Variants in NAALADL2 observed in about 807,000 individuals in gnomAD.
NAALADL2 encodes N-acetylated alpha-linked acidic dipeptidase like 2, also known as inactive N-acetylated-alpha-linked acidic dipeptidase-like protein 2.
In NAALADL2, 76 loss-of-function variants were observed where a neutral mutation model predicts 87.2. The ratio of observed to expected loss-of-function variants is 0.87; its 90% CI spans 0.72 to 1.05. The LOEUF is 1.05. Ranked by LOEUF, NAALADL2 falls within the 50% of genes least tolerant of loss-of-function variation. NAALADL2 has a pLI of 0.00. For missense variants in NAALADL2, 1,089 were observed against 945.8 expected, an observed-to-expected ratio of 1.15 and a Z score of -1.99; for synonymous variants, 354 against 331.0, an observed-to-expected ratio of 1.07 and a Z score of -0.75.
At chr3:175,016,276 T>TATATAA (rs1480248110) in intron 1 of NAALADL2, among the ~76,000 whole-genome samples, 2 of 147,968 alleles carry the variant, frequency 1.4e-5, no homozygotes, top group African/African-American at 4.9e-5. Context: ...TATATATATA[T>TATATAA]AAAAAACAAT....
chr3:175,096,080 C>G (rs7617119), intron 1 of NAALADL2, among the ~76,000 whole-genome samples: 2,095 of 152,144 alleles, frequency 0.014, 48 homozygotes, highest in African/African-American at 0.048. Flanking sequence ...TTGATGCCAT[C>G]CCAGACTTTT....
chr3:174,503,039 AAC>A (rs1003240155), intron 1 of NAALADL2, among the ~76,000 whole-genome samples: 9 of 150,710 alleles, frequency 6.0e-5, no homozygotes, highest in African/African-American at 2.2e-4. Context: ...AAAAAAAAAA[AAC>A]CTCTTATCTT....
In NAALADL2 at chr3:175,234,171, A is replaced by C. The variant is rs775935674; in HGVS notation, c.786A>C (p.Ser262=). 1.2e-5 allele frequency: 20 copies of C among 1,613,696 alleles called. No individual in the cohort carries two copies. The highest frequency in any genetic ancestry group is 1.4e-5 in the Non-Finnish European group (16 of 1,179,800). The change falls in exon 3 of 14, where the codon TCA becomes TCC. Residue 262 remains serine (S), a synonymous_variant. Transcript: ENST00000454872. Reference sequence around the variant, plus strand: ...ATAGCAGCCAAGACCTGCTCTATTCATATGCAGCCTATTCTGCCAAAGGAA... The same window carrying C: ...ATAGCAGCCAAGACCTGCTCTATTCCTATGCAGCCTATTCTGCCAAAGGAA... ...RKDSSQDLLY[S]YAAYSAKGTL... is the part of the protein sequence containing the mutation.
At chr3:175,056,117 A>T (rs905950440) in intron 1 of NAALADL2, among the ~76,000 whole-genome samples, 4 of 152,088 alleles carry the variant, frequency 2.6e-5, no homozygotes, top group Non-Finnish European at 5.9e-5. Flanking sequence ...CTTTTTGCCC[A>T]GTGTCCTCCG....
intron 1 of NAALADL2, among the ~76,000 whole-genome samples, chr3:174,451,753 A>C (rs768207994): frequency 3.3e-5 from 5 of 152,098 alleles, no homozygotes; most frequent in Non-Finnish European, 7.3e-5. Context: ...CATTTTGACT[A>C]CATAGCTCTT....
chr3:175,044,867 T>G (rs1754485793), intron 1 of NAALADL2, among the ~76,000 whole-genome samples: 1 of 152,070 alleles, frequency 6.6e-6, no homozygotes, highest in Non-Finnish European at 1.5e-5. Context: ...ATTATATTTT[T>G]CTGTTGGTGG....
intron 5 of NAALADL2, among the ~76,000 whole-genome samples, chr3:175,363,235 T>C (rs774050065): frequency 1.4e-5 from 2 of 147,730 alleles, no homozygotes; most frequent in Middle Eastern, 3.5e-3. Context: ...TCTTGCTTAA[T>C]GGATATAAAA....
chr3:175,556,749 A>G (rs1715343341), intron 9 of NAALADL2, among the ~76,000 whole-genome samples: 1 of 152,214 alleles, frequency 6.6e-6, no homozygotes, highest in South Asian at 2.1e-4. Flanking sequence ...TTTCTTCTAT[A>G]TATCTTAACT....
chr3:175,401,414 A>G (rs2149059716), intron 5 of NAALADL2, among the ~76,000 whole-genome samples: 1 of 152,272 alleles, frequency 6.6e-6, no homozygotes, highest in East Asian at 1.9e-4. Context: ...TTATATTTTG[A>G]ATGGAATGTG....
intron 11 of NAALADL2, among the ~76,000 whole-genome samples, chr3:175,629,074 A>C (rs1425478590): frequency 7.3e-5 from 11 of 149,824 alleles, no homozygotes; most frequent in African/African-American, 2.7e-4. Context: ...CACACAAAAC[A>C]CCTCCTTAGT....
chr3:175,752,852 G>T (rs151234607), intron 12 of NAALADL2, among the ~76,000 whole-genome samples: 1 of 152,228 alleles, frequency 6.6e-6, no homozygotes, highest in Non-Finnish European at 1.5e-5. Flanking sequence ...GACTCTCAAG[G>T]ATGTCGAACT....
intron 5 of NAALADL2, among the ~76,000 whole-genome samples, chr3:175,326,960 C>T (rs1760787696): frequency 6.6e-6 from 1 of 152,040 alleles, no homozygotes; most frequent in Non-Finnish European, 1.5e-5. Context: ...TCTAAAACTA[C>T]CTTTTTTCAA....
chr3:174,950,757 A>T (rs569276522), intron 1 of NAALADL2, among the ~76,000 whole-genome samples: 1 of 152,192 alleles, frequency 6.6e-6, no homozygotes, highest in Non-Finnish European at 1.5e-5. Flanking sequence ...GTAATATGAC[A>T]TACTTAGCAT....
intron 1 of NAALADL2, among the ~76,000 whole-genome samples, chr3:174,492,896 A>G (rs1191093308): frequency 6.6e-6 from 1 of 152,216 alleles, no homozygotes; most frequent in Non-Finnish European, 1.5e-5. Context: ...TCAAAGGTTA[A>G]TGCCTGAGCC....
chr3:175,219,255 A>G (rs1188873795), intron 2 of NAALADL2, among the ~76,000 whole-genome samples: 2 of 152,076 alleles, frequency 1.3e-5, no homozygotes, highest in Non-Finnish European at 2.9e-5. Flanking sequence ...TGGTAGTAGT[A>G]TGTCATTGTG....
chr3:175,781,007 G>A (rs1233308693), intron 13 of NAALADL2, among the ~76,000 whole-genome samples: 1 of 152,110 alleles, frequency 6.6e-6, no homozygotes, highest in Non-Finnish European at 1.5e-5. Context: ...CAGGTATTCA[G>A]CTTACATTTT....
intron 3 of NAALADL2, among the ~76,000 whole-genome samples, chr3:174,738,637 G>C (rs574679038): frequency 1.3e-5 from 2 of 152,280 alleles, no homozygotes; most frequent in Admixed American, 6.5e-5. Context: ...AAAGGGTAGA[G>C]AGGGGGGAGG....
At chr3:175,560,493 T>G (rs1198436927) in intron 9 of NAALADL2, among the ~76,000 whole-genome samples, 1 of 152,210 alleles carries the variant, frequency 6.6e-6, no homozygotes, top group Non-Finnish European at 1.5e-5. Context: ...TGATCTTTAT[T>G]ATTTCTTCCC....
At position 175,300,279 on chromosome 3, in the gene NAALADL2, C is replaced by T. The variant is rs149304444; in HGVS notation, c.940-23896C>T. Reference sequence around the variant, plus strand: ...TGTTGTTGTGTCTCTGCTAGGTTTTCGTATCAGGATGATGCTGGCCTCATA... The same window carrying T: ...TGTTGTTGTGTCTCTGCTAGGTTTTTGTATCAGGATGATGCTGGCCTCATA... On this transcript the variant is annotated intron_variant, in intron 4 of 13. Transcript: ENST00000454872. 8.4e-3 allele frequency among the ~76,000 whole-genome samples: 1,270 copies of T among 152,080 alleles called. 15 individuals carry two copies. The highest frequency in any genetic ancestry group is 0.029 in the African/African-American group (1,224 of 41,522).
Sources: allele counts gnomAD v4.1 joint callset (sites outside exome capture counted in the v4.1 genomes callset), GRCh38; gene constraint gnomAD v4.1.1; transcripts MANE v1.5; gene names NCBI Gene and HGNC (gene_info 2026-07-23, HGNC 2026-07-21).